The following MTREX variants were observed in gnomAD, a reference collection of about 807,000 sequenced individuals.
MTREX encodes the protein Mtr4 exosome RNA helicase, also known as exosome RNA helicase MTR4.
A neutral mutation model predicts 135.4 loss-of-function variants in MTREX; 76 were observed. That is an observed-to-expected ratio of 0.56 (90% CI 0.47 to 0.68). The LOEUF is 0.68. MTREX is among the 30% of genes least tolerant of loss of function. The pLI is 0.00. For missense variants in MTREX, 920 were observed against 1,262.1 expected (o/e 0.73, Z 4.11); for synonymous variants, 404 against 401.6 (o/e 1.01, Z -0.07).
intron 1 of MTREX, among the ~76,000 whole-genome samples, chr5:55,319,564 T>G (rs1311609486): frequency 6.6e-6 from 1 of 152,238 alleles, no homozygotes; most frequent in Non-Finnish European, 1.5e-5. Flanking sequence ...TTTCTTGTGC[T>G]ATGTATAGAG....
chr5:55,347,263 G>A (rs1579861697), intron 11 of MTREX, 119 bp downstream of exon 11: 4 of 929,042 alleles, frequency 4.3e-6, no homozygotes, highest in Non-Finnish European at 6.3e-6. Context: ...TACAGTTACA[G>A]CAGTACTCAG....
intron 12 of MTREX, among the ~76,000 whole-genome samples, chr5:55,350,153 A>T (rs1749803491): frequency 6.7e-6 from 1 of 149,626 alleles, no homozygotes; most frequent in African/African-American, 2.4e-5. Flanking sequence ...TCTGGACATC[A>T]GAATCTTTTA....
intron 7 of MTREX, among the ~76,000 whole-genome samples, chr5:55,342,430 TC>T (rs1421413854): frequency 6.6e-6 from 1 of 152,186 alleles, no homozygotes; most frequent in Non-Finnish European, 1.5e-5. Context: ...TTTATTTAGT[TC>T]AGTAACTATG....
chr5:55,350,803 TTTA>T, intron 12 of MTREX, 113 bp from the exon 13 acceptor site: 2 of 844,258 alleles, frequency 2.4e-6, no homozygotes, highest in Middle Eastern at 3.5e-4. Flanking sequence ...CTGGAAAGAT[TTTA>T]TTAAGTTTCT....
chr5:55,377,729 T>G (rs1167791543), intron 16 of MTREX, among the ~76,000 whole-genome samples: 4 of 152,220 alleles, frequency 2.6e-5, no homozygotes, highest in African/African-American at 9.6e-5. Context: ...TCCTGGTTTA[T>G]AACTCCCATA....
intron 3 of MTREX, chr5:55,327,449 G>A: frequency 3.1e-6 from 1 of 327,496 alleles, no homozygotes; most frequent in Non-Finnish European, 5.7e-6. Context: ...ACTTTAAAAA[G>A]TACACAGTTT....
intron 22 of MTREX, among the ~76,000 whole-genome samples, chr5:55,410,127 A>G (rs536336952): frequency 6.6e-6 from 1 of 152,326 alleles, no homozygotes; most frequent in African/African-American, 2.4e-5. Context: ...CATTCTAATT[A>G]AGATTTCTAG....
Position 55,378,500 on chromosome 5 carries a change from T to G in MTREX, c.1983+14T>G, listed in dbSNP as rs1412830317. The stretch of plus-strand genomic sequence containing the variant: ...CGTTTGGTAAAGGTATGTCATTGTT[T>G]CTTCATAAAATACTTGAATAATTCA... On this transcript the variant is annotated intron_variant, in intron 17 of 26. Coordinates refer to ENST00000230640, the MANE Select transcript of MTREX (RefSeq NM_015360.5). 1.3e-6 allele frequency: 2 copies of G among 1,590,072 alleles called. No homozygotes were observed. The highest frequency in any genetic ancestry group is 1.7e-6 in the Non-Finnish European group (2 of 1,173,102).
intron 14 of MTREX, among the ~76,000 whole-genome samples, chr5:55,356,081 A>G (rs1237496971): frequency 6.6e-6 from 1 of 152,208 alleles, no homozygotes; most frequent in Non-Finnish European, 1.5e-5. Context: ...TCATTCAGGG[A>G]GTCACAGACA....
intron 22 of MTREX, among the ~76,000 whole-genome samples, chr5:55,409,266 A>C (rs984553136): frequency 6.6e-6 from 1 of 152,166 alleles, no homozygotes; most frequent in Non-Finnish European, 1.5e-5. Flanking sequence ...AGGGATATAT[A>C]TATATATGAG....
rs572374661 is a variant in MTREX, at chr5:55,370,793, G to A, written c.1810+3918G>A. 1.5e-3 allele frequency among the ~76,000 whole-genome samples: 233 copies of A among 152,276 alleles called. 1 individual carries two copies. Among genetic ancestry groups the A allele is most frequent in the Non-Finnish European group, 2.4e-3 (161 of 68,034 alleles). On this transcript the variant is annotated intron_variant, in intron 16 of 26. Transcript: ENST00000230640. ...CTATTTTCAGTCATTACTTGCAGGA[G>A]TATACTTCTTTTGTTGCAGATACTA...
At chr5:55,322,607 G>A in intron 2 of MTREX, 143 bp downstream of exon 2, 1 of 581,546 alleles carries the variant, frequency 1.7e-6, no homozygotes, top group African/African-American at 1.9e-5. Flanking sequence ...ACACAGGCAT[G>A]TAAATGTAGA....
At position 55,390,047 on chromosome 5, in the gene MTREX, T is replaced by A. The variant is rs139347898; in HGVS notation, c.2181+1945T>A. 2.4e-3 allele frequency among the ~76,000 whole-genome samples: 370 copies of A among 152,298 alleles called. 3 individuals carry two copies. Among genetic ancestry groups the A allele is most frequent in the African/African-American group, 8.3e-3 (346 of 41,570 alleles). On this transcript the variant is annotated intron_variant, in intron 19 of 26. Coordinates refer to ENST00000230640, the MANE Select transcript of MTREX (RefSeq NM_015360.5). The stretch of plus-strand genomic sequence containing the variant: ...CATAATCATCCTTGCCCTGTCTGAC[T>A]TTGAGTGGATATGATGCCAAATTTA...
chr5:55,311,365 T>C (rs1749109250), intron 1 of MTREX, among the ~76,000 whole-genome samples: 1 of 152,226 alleles, frequency 6.6e-6, no homozygotes, highest in Admixed American at 6.5e-5. Flanking sequence ...TTTTTGATCA[T>C]TGGTAGTTGA....
chr5:55,399,888 C>T (rs903718110), intron 20 of MTREX, among the ~76,000 whole-genome samples: 1 of 152,052 alleles, frequency 6.6e-6, no homozygotes, highest in Non-Finnish European at 1.5e-5. Flanking sequence ...CATAGATGCT[C>T]AATACAAGAT....
chr5:55,348,652 A>G lies in MTREX; in HGVS notation c.1241-921A>G, dbSNP rs149465298. Among the ~76,000 whole-genome samples the G allele has an allele frequency of 1.6e-4, 24 of 152,334 alleles. 1 individual carries two copies. In the East Asian group the frequency reaches 4.2e-3, roughly 27 times the overall value. ...CATGAGTAAAAGTAACAAATGACAG[A>G]TAGCTGACATAGCCTTCTAAAGCCA... On this transcript the variant is annotated intron_variant, in intron 11 of 26. Coordinates refer to ENST00000230640, the MANE Select transcript of MTREX (RefSeq NM_015360.5).
chr5:55,325,263 G>T (rs1225759368), intron 3 of MTREX, among the ~76,000 whole-genome samples: 1 of 149,008 alleles, frequency 6.7e-6, no homozygotes, highest in Non-Finnish European at 1.5e-5. Context: ...TCAGGAGGTG[G>T]TACATATGCA....
rs138338555 is a variant in MTREX, at chr5:55,400,400, G to T, written c.2460G>T (p.Thr820=). Residue 820 remains threonine, a synonymous_variant, in exon 21 of 27, where the codon ACG becomes ACT. Transcript: ENST00000230640. ...HNDPNLETVY[T]LCEKKAQIAI... ...ATCCAAATTTGGAAACTGTGTATAC[G>T]CTTTGTGAAAAAAAAGCACAGGTAT... is the stretch of plus-strand genomic sequence containing the variant. 198 of 1,589,934 alleles carry T rather than the reference G, an allele frequency of 1.2e-4. No homozygotes were observed. The African/African-American group carries it at 2.6e-3, about 21-fold the overall frequency.
intron 12 of MTREX, 107 bp downstream of exon 12, chr5:55,349,759 G>C: frequency 1.5e-6 from 1 of 652,564 alleles, no homozygotes; most frequent in Non-Finnish European, 2.8e-6. Flanking sequence ...ACACACTGTA[G>C]CATATGGGTT....
Sources: allele counts gnomAD v4.1 joint callset (sites outside exome capture counted in the v4.1 genomes callset), GRCh38; gene constraint gnomAD v4.1.1; transcripts MANE v1.5; gene names NCBI Gene and HGNC (gene_info 2026-07-23, HGNC 2026-07-21).